Variants in PTPRT observed in about 807,000 individuals in gnomAD.
PTPRT encodes the protein protein tyrosine phosphatase receptor type T.
Under a neutral mutation model 176.8 loss-of-function variants are expected in PTPRT, and 56 were observed. That is an observed-to-expected ratio of 0.32 (90% confidence interval 0.26 to 0.40). The LOEUF (loss-of-function observed/expected upper bound fraction) is 0.40. Among genes scored for constraint, PTPRT ranks in the 10% least tolerant of loss-of-function variants. The pLI, the probability that PTPRT is intolerant of heterozygous loss-of-function variation, is 1.00. For missense variants in PTPRT, 1,540 were observed against 1,908.2 expected, an observed-to-expected ratio of 0.81 and a Z score of 3.60; for synonymous variants, 783 against 739.0, an observed-to-expected ratio of 1.06 and a Z score of -0.96.
At chr20:42,123,732 C>T (rs549330281) in intron 19 of PTPRT, among the ~76,000 whole-genome samples, 3 of 152,328 alleles carry the variant, frequency 2.0e-5, no homozygotes, top group African/African-American at 7.2e-5. Context: ...CTATGTCTGC[C>T]CCCAGGTACC....
chr20:42,786,623 T>G (rs2077294742), intron 3 of PTPRT, among the ~76,000 whole-genome samples: 1 of 152,174 alleles, frequency 6.6e-6, no homozygotes, highest in African/African-American at 2.4e-5. Flanking sequence ...CCCCCATGCC[T>G]CATCCAAAAG....
intron 18 of PTPRT, among the ~76,000 whole-genome samples, chr20:42,132,496 T>G (rs950657205): frequency 2.6e-5 from 4 of 152,084 alleles, no homozygotes; most frequent in African/African-American, 9.7e-5. Context: ...ATGACCTGAT[T>G]AAAAAATGGG....
chr20:42,978,765 C>A (rs960968926), intron 1 of PTPRT, among the ~76,000 whole-genome samples: 5 of 152,210 alleles, frequency 3.3e-5, no homozygotes, highest in Non-Finnish European at 5.9e-5. Context: ...TGCTACACTC[C>A]CGCCAGCGCC....
chr20:42,370,055 T>C (rs1489051279), intron 9 of PTPRT, among the ~76,000 whole-genome samples: 2 of 136,792 alleles, frequency 1.5e-5, no homozygotes, highest in African/African-American at 5.7e-5. Context: ...TGCTTACCCA[T>C]CCCAAATCCT....
intron 9 of PTPRT, among the ~76,000 whole-genome samples, chr20:42,389,589 C>T (rs1014733443): frequency 4.6e-5 from 7 of 152,078 alleles, no homozygotes; most frequent in African/African-American, 1.7e-4. Flanking sequence ...GTGTCTCAGG[C>T]CTCTAATCCC....
intron 12 of PTPRT, among the ~76,000 whole-genome samples, chr20:42,303,964 T>A (rs529429125): frequency 2.0e-5 from 3 of 152,206 alleles, no homozygotes; most frequent in African/African-American, 7.2e-5. Context: ...CTTGTACATA[T>A]GGTTCATGTC....
intron 1 of PTPRT, among the ~76,000 whole-genome samples, chr20:43,124,750 G>A (rs2013380735): frequency 6.6e-6 from 1 of 152,138 alleles, no homozygotes; most frequent in Admixed American, 6.5e-5. Context: ...CCCTCCTAGA[G>A]GATGAGAATA....
chr20:42,546,765 G>T (rs2072682098), intron 7 of PTPRT, among the ~76,000 whole-genome samples: 1 of 152,112 alleles, frequency 6.6e-6, no homozygotes, highest in South Asian at 2.1e-4. Flanking sequence ...CGGGGAATAT[G>T]GGGGCCCAGG....
intron 7 of PTPRT, among the ~76,000 whole-genome samples, chr20:42,665,728 T>C (rs2075303496): frequency 6.6e-6 from 1 of 151,888 alleles, no homozygotes; most frequent in African/African-American, 2.4e-5. Context: ...ATTAAGAAAA[T>C]GTGGCACATA....
intron 1 of PTPRT, among the ~76,000 whole-genome samples, chr20:42,924,533 A>G (rs891517479): frequency 1.3e-5 from 2 of 152,206 alleles, no homozygotes; most frequent in African/African-American, 4.8e-5. Context: ...TAAACCCCAT[A>G]CAAACATCTC....
intron 2 of PTPRT, among the ~76,000 whole-genome samples, chr20:42,850,625 C>G (rs1017465067): frequency 6.6e-6 from 1 of 152,236 alleles, no homozygotes; most frequent in Non-Finnish European, 1.5e-5. Flanking sequence ...ACCCACTGCA[C>G]TGCAGTGTCA....
chr20:42,474,623 G>A (rs1367554679), intron 7 of PTPRT, among the ~76,000 whole-genome samples: 1 of 152,200 alleles, frequency 6.6e-6, no homozygotes, highest in African/African-American at 2.4e-5. Context: ...AGGGCCTATT[G>A]TGGAATGGAA....
rs556560566 is a variant in PTPRT, at chr20:43,135,732, C to G, written c.88+53914G>C. Among the ~76,000 whole-genome samples the G allele has an allele frequency of 2.0e-5, 3 of 152,262 alleles. No homozygotes were observed. The East Asian group carries it at 5.8e-4, about 29-fold the overall frequency. ...AATAAGAGACCACTGAGTGTAGTGA[C>G]CAAGATATCACACAGCCCTTAAGGA... On this transcript the variant is annotated intron_variant, in intron 1 of 30. Transcript: ENST00000373187.
chr20:42,230,202 A>G lies in PTPRT; in HGVS notation c.2342+6027T>C, dbSNP rs116044572. ...ATGGAGGAGATCAGAAGGCTATAGA[A>G]AAGCCCAGGAGTCCCATGGAGTATC... On this transcript the variant is annotated intron_variant, in intron 15 of 30. Coordinates refer to ENST00000373187, the MANE Select transcript of PTPRT (RefSeq NM_007050.6). Among the ~76,000 whole-genome samples the G allele has an allele frequency of 5.9e-3, 905 of 152,304 alleles. 12 individuals are homozygous for G. The highest frequency in any genetic ancestry group is 0.021 in the African/African-American group (857 of 41,550).
intron 7 of PTPRT, among the ~76,000 whole-genome samples, chr20:42,677,535 C>CAGTATGGAAGTT (rs1450334834): frequency 2.0e-5 from 3 of 151,992 alleles, no homozygotes; most frequent in Non-Finnish European, 2.9e-5. Context: ...ACAAATGGCA[C>CAGTATGGAAGTT]CAGGAGTTCT....
At chr20:42,452,458 GCT>G (rs748451180) in intron 8 of PTPRT, among the ~76,000 whole-genome samples, 1 of 152,038 alleles carries the variant, frequency 6.6e-6, no homozygotes, top group Non-Finnish European at 1.5e-5. Flanking sequence ...TGTCCTAATG[GCT>G]CTGTTTTCTT....
rs377041344 is a variant in PTPRT, at chr20:42,482,907, TG to T, written c.1154-10346del. ...ATTCCTGCCTCCTTTGCACTAAATC[TG>T]GTGAGAAAAACAGACTAAAACAACC... On this transcript the variant is annotated intron_variant, in intron 7 of 30. Coordinates refer to ENST00000373187, the MANE Select transcript of PTPRT (RefSeq NM_007050.6). Among the ~76,000 whole-genome samples, 468 of 152,298 alleles carry T rather than the reference TG, an allele frequency of 3.1e-3. 22 individuals carry two copies. The South Asian group carries it at 0.092, about 30-fold the overall frequency.
At chr20:42,625,466 A>G (rs1239854904) in intron 7 of PTPRT, among the ~76,000 whole-genome samples, 1 of 151,984 alleles carries the variant, frequency 6.6e-6, no homozygotes, top group Non-Finnish European at 1.5e-5. Context: ...CTTTCTGTGA[A>G]ATTGAGTCTG....
intron 15 of PTPRT, among the ~76,000 whole-genome samples, chr20:42,205,405 G>A (rs907424412): frequency 2.0e-5 from 3 of 152,146 alleles, no homozygotes; most frequent in Non-Finnish European, 4.4e-5. Context: ...GCTGTTAGAA[G>A]GAAGGAGATG....
Sources: gnomAD v4.1 joint callset for allele counts (sites outside exome capture counted in the v4.1 genomes callset) on GRCh38, gnomAD v4.1.1 for gene constraint, MANE v1.5 for transcripts, NCBI Gene and HGNC (gene_info 2026-07-23, HGNC 2026-07-21) for gene names.